MACROD1: variants seen among roughly 807,000 people sequenced by gnomAD.
MACROD1 encodes mono-ADP ribosylhydrolase 1, also known as ADP-ribose glycohydrolase MACROD1.
In MACROD1, 31 loss-of-function variants were observed where a neutral mutation model predicts 41.4. The observed-to-expected ratio is 0.75, with a 90% CI of 0.56 to 1.01. MACROD1 has a LOEUF of 1.01. MACROD1 is among the 50% of genes least tolerant of loss of function. MACROD1 has a pLI of 0.00. For synonymous variants in MACROD1, 252 were observed against 203.4 expected (o/e 1.24, Z -2.03); for missense variants, 473 against 460.0 (o/e 1.03, Z -0.26).
Position 64,116,513 on chromosome 11 carries a change from T to C in MACROD1, c.517+34726A>G, listed in dbSNP as rs614397. The C allele has an allele frequency of 0.8, 1,294,287 of 1,613,842 alleles. 536,784 individuals are homozygous for C. Among genetic ancestry groups the C allele is most frequent in the Non-Finnish European group, 0.87 (1,020,745 of 1,180,004 alleles). On this transcript the variant is annotated intron_variant, in intron 3 of 10. Transcript: ENST00000255681. ...CCATCCCCGCAGATATCCCTGATGA[T>C]GCCACCACCCTCTACCTGCAGAACA...
At chr11:64,094,430 TA>T (rs71468652) in intron 3 of MACROD1, among the ~76,000 whole-genome samples, 2,173 of 142,376 alleles carry the variant, frequency 0.015, 32 homozygotes, top group African/African-American at 0.042. Context: ...GACTCCAACT[TA>T]AAAAAAAAAA....
chr11:64,048,172 T>C (rs1228345584), intron 3 of MACROD1, among the ~76,000 whole-genome samples: 1 of 152,210 alleles, frequency 6.6e-6, no homozygotes, highest in Admixed American at 6.5e-5. Context: ...TCTGGCCCAC[T>C]GGCCTCTCAG....
At chr11:64,073,702 G>A (rs545397193) in intron 3 of MACROD1, among the ~76,000 whole-genome samples, 5 of 152,218 alleles carry the variant, frequency 3.3e-5, no homozygotes, top group African/African-American at 4.8e-5. Context: ...GTGTGCGTGC[G>A]CGTGGGTTCT....
At chr11:64,022,271 C>T (rs191773405) in intron 3 of MACROD1, among the ~76,000 whole-genome samples, 25 of 152,208 alleles carry the variant, frequency 1.6e-4, no homozygotes, top group Admixed American at 1.0e-3. Context: ...GTCCGGGTGA[C>T]CCCTGCCTCC....
rs374755203 is a variant in MACROD1, at chr11:64,092,290, T to C, written c.517+58949A>G. On this transcript the variant is annotated intron_variant, in intron 3 of 10. Coordinates refer to ENST00000255681, the MANE Select transcript of MACROD1 (RefSeq NM_014067.4). ...ACGGATGGTTTCATATGGGGAGAAT[T>C]AGTATTCCAGGCAGGCCAGGGGATG... is the stretch of plus-strand genomic sequence containing the variant. Among the ~76,000 whole-genome samples, 18 of 152,254 alleles carry C rather than the reference T, an allele frequency of 1.2e-4. No homozygotes were observed. The East Asian group carries it at 1.9e-3, about 16-fold the overall frequency.
chr11:64,055,911 T>C (rs905236657), intron 3 of MACROD1, among the ~76,000 whole-genome samples: 1 of 152,116 alleles, frequency 6.6e-6, no homozygotes, highest in Non-Finnish European at 1.5e-5. Context: ...GCACAGCAGG[T>C]GAGGGACAGA....
At position 64,118,041 on chromosome 11, in the gene MACROD1, C is replaced by T. The variant is rs375487485; in HGVS notation, c.517+33198G>A. 24 of 1,613,480 alleles carry T rather than the reference C, an allele frequency of 1.5e-5. No homozygotes were observed. The Middle Eastern group carries it at 8.2e-4, about 55-fold the overall frequency. On this transcript the variant is annotated intron_variant, in intron 3 of 10. Coordinates refer to ENST00000255681, the MANE Select transcript of MACROD1 (RefSeq NM_014067.4). ...GCTGACCCGGGAGAGGGCCTACAAC[C>T]GGGGCAGCAGGAAAAAGGATGACTA... is the stretch of plus-strand genomic sequence containing the variant.
At chr11:64,118,947 T>C (rs1189378556) in intron 3 of MACROD1, 1 of 167,082 alleles carries the variant, frequency 6.0e-6, no homozygotes, top group Non-Finnish European at 1.5e-5. Context: ...AAACAAACTT[T>C]TTTTTCCTAG....
intron 3 of MACROD1, among the ~76,000 whole-genome samples, chr11:64,123,870 G>C (rs749449024): frequency 5.3e-5 from 8 of 152,198 alleles, no homozygotes; most frequent in African/African-American, 9.7e-5. Flanking sequence ...CAGGCAGTGA[G>C]CTCTCCGTCA....
chr11:64,068,267 A>T (rs1314302946), intron 3 of MACROD1, among the ~76,000 whole-genome samples: 1 of 152,140 alleles, frequency 6.6e-6, no homozygotes, highest in African/African-American at 2.4e-5. Flanking sequence ...GGCATTGGGG[A>T]GCTGGTGGCA....
intron 1 of MACROD1, among the ~76,000 whole-genome samples, chr11:64,153,262 G>A (rs1458991465): frequency 5.3e-5 from 8 of 152,206 alleles, no homozygotes; most frequent in African/African-American, 1.4e-4. Flanking sequence ...GCCCGAGGCC[G>A]CCTGCACACC....
At chr11:64,014,583 G>C (rs1943056058) in intron 4 of MACROD1, among the ~76,000 whole-genome samples, 1 of 152,238 alleles carries the variant, frequency 6.6e-6, no homozygotes, top group African/African-American at 2.4e-5. Flanking sequence ...AGCCTGGCCA[G>C]CTGGGGGGCT....
At chr11:64,061,841 A>G (rs1943909742) in intron 3 of MACROD1, among the ~76,000 whole-genome samples, 1 of 145,722 alleles carries the variant, frequency 6.9e-6, no homozygotes, top group Non-Finnish European at 1.5e-5. Flanking sequence ...CCTCCCAAGT[A>G]GCGGGACCAC....
At chr11:64,001,192 G>A (rs997778621) in intron 4 of MACROD1, 12 of 559,996 alleles carry the variant, frequency 2.1e-5, no homozygotes, top group Admixed American at 3.2e-5. Flanking sequence ...CAGGAGAGGC[G>A]CGGCCTCAGG....
chr11:64,104,210 C>T (rs769156052), intron 3 of MACROD1: 8 of 152,338 alleles, frequency 5.3e-5, no homozygotes, highest in Non-Finnish European at 1.0e-4. Flanking sequence ...GGAAGAGGGA[C>T]GCGAATTCAG....
chr11:64,031,837 G>A (rs894144057), intron 3 of MACROD1, among the ~76,000 whole-genome samples: 9 of 152,168 alleles, frequency 5.9e-5, no homozygotes, highest in Non-Finnish European at 1.0e-4. Flanking sequence ...TGCACAGCCC[G>A]CCTATCCAGA....
chr11:64,116,407 A>C, intron 3 of MACROD1: 1 of 1,613,904 alleles, frequency 6.2e-7, no homozygotes, highest in Non-Finnish European at 8.5e-7. Context: ...TTCCTGACGG[A>C]GGTCATCGAC....
intron 3 of MACROD1, among the ~76,000 whole-genome samples, chr11:64,035,365 GT>G (rs1446657526): frequency 6.6e-5 from 10 of 152,146 alleles, no homozygotes; most frequent in Non-Finnish European, 1.3e-4. Context: ...GTGGGTACCT[GT>G]TTGTGAATGA....
At chr11:64,015,104 C>T in intron 4 of MACROD1, 148 bp downstream of exon 4, 1 of 830,704 alleles carries the variant, frequency 1.2e-6, no homozygotes, top group Non-Finnish European at 1.7e-6. Flanking sequence ...TCCAGGTCTC[C>T]AGCTCTGGGG....
Sources: gnomAD v4.1 joint callset for allele counts (sites outside exome capture counted in the v4.1 genomes callset) on GRCh38, gnomAD v4.1.1 for gene constraint, MANE v1.5 for transcripts, NCBI Gene and HGNC (gene_info 2026-07-23, HGNC 2026-07-21) for gene names.